The following SSPN variants were observed in gnomAD, a reference collection of about 807,000 sequenced individuals.
The protein encoded by SSPN is sarcospan, also known as K-ras oncogene-associated protein.
Under a neutral mutation model 19.1 loss-of-function variants are expected in SSPN, and 15 were observed. The observed-to-expected ratio is 0.78, with a 90% CI of 0.52 to 1.21. The LOEUF (loss-of-function observed/expected upper bound fraction) is 1.21, where lower values mean the gene tolerates loss of function less well. Among genes scored for constraint, SSPN ranks in the 50% most tolerant of loss-of-function variants. The pLI, the probability that SSPN is intolerant of heterozygous loss-of-function variation, is 0.00. For synonymous variants in SSPN, 147 were observed against 140.3 expected (o/e 1.05, Z -0.34); for missense variants, 291 against 314.0 (o/e 0.93, Z 0.55).
At position 26,234,696 on chromosome 12, in the gene SSPN, C is replaced by T. The variant is rs745723565; in HGVS notation, c.*3620C>T. The T allele has an allele frequency of 2.6e-5, 4 of 152,126 alleles. No individual in the cohort carries two copies. Among genetic ancestry groups the T allele is most frequent in the Non-Finnish European group, 5.9e-5 (4 of 68,010 alleles). 9.4% of individuals were successfully genotyped at this position (152,126 alleles called of 1,614,324 possible). A position where few individuals can be genotyped will look rare whatever the true frequency, so the allele number is the denominator to read the frequency against. ...GCAAATACAAAATAAAGCATTTCTA[C>T]ATGTTTGAGGTGGTTGTTTTTAAAG... On this transcript the variant is annotated 3_prime_UTR_variant, in exon 3 of 3. Transcript: ENST00000242729.
At chr12:26,159,881 T>G (rs1193703783) in intron 1 of SSPN, among the ~76,000 whole-genome samples, 1 of 152,168 alleles carries the variant, frequency 6.6e-6, no homozygotes, top group Admixed American at 6.5e-5. Context: ...TATCCATTCA[T>G]TGAATGGGTA....
At chr12:26,188,236 T>G (rs765654071) in intron 1 of SSPN, among the ~76,000 whole-genome samples, 2 of 152,152 alleles carry the variant, frequency 1.3e-5, no homozygotes, top group East Asian at 3.8e-4. Flanking sequence ...GCATCTGTAC[T>G]CATAACCACA....
At position 26,214,811 on chromosome 12, in the gene SSPN, A is replaced by G. The variant is rs183255286; in HGVS notation, c.280-9482A>G. On this transcript the variant is annotated intron_variant, in intron 1 of 2. Coordinates refer to ENST00000242729, the MANE Select transcript of SSPN (RefSeq NM_005086.5). ...ATAATGAAAAAGAATTAATAATAAT[A>G]ATAACAAATATAGGAAGGGGATATC... 60 of 152,308 alleles carry G rather than the reference A, an allele frequency of 3.9e-4. No individual in the cohort carries two copies. In the East Asian group the frequency reaches 9.6e-3, roughly 24 times the overall value. The allele number at this position is 152,308 out of a possible 1,614,324, so 9.4% of individuals were successfully genotyped here. A position where few individuals can be genotyped will look rare whatever the true frequency, so the allele number is the denominator to read the frequency against.
intron 1 of SSPN, among the ~76,000 whole-genome samples, chr12:26,129,272 G>T (rs1472843562): frequency 6.6e-6 from 1 of 152,176 alleles, no homozygotes; most frequent in Non-Finnish European, 1.5e-5. Context: ...ATCTGCAGAC[G>T]TTTTACATCA....
intron 2 of SSPN, among the ~76,000 whole-genome samples, chr12:26,227,474 C>A (rs1184424504): frequency 1.3e-5 from 2 of 152,096 alleles, no homozygotes; most frequent in Non-Finnish European, 2.9e-5. Context: ...CTAGCATAAA[C>A]GGTTTAATTA....
intron 1 of SSPN, 146 bp downstream of exon 1, chr12:26,196,097 G>A (rs1591873781): frequency 5.6e-6 from 4 of 711,016 alleles, no homozygotes. Flanking sequence ...TGATGCGTGG[G>A]GCACTGGGTT....
chr12:26,229,187 T>G (rs1945206153), intron 2 of SSPN, among the ~76,000 whole-genome samples: 1 of 152,236 alleles, frequency 6.6e-6, no homozygotes, highest in Non-Finnish European at 1.5e-5. Flanking sequence ...TTAAGATCTC[T>G]TTGATGAAAA....
intron 1 of SSPN, among the ~76,000 whole-genome samples, chr12:26,137,513 A>T (rs1395417364): frequency 6.6e-6 from 1 of 151,564 alleles, no homozygotes; most frequent in East Asian, 1.9e-4. Flanking sequence ...TTATAGAATG[A>T]GGATCTTATA....
chr12:26,194,521 G>T (rs1159921254), upstream of SSPN, among the ~76,000 whole-genome samples: 1 of 152,214 alleles, frequency 6.6e-6, no homozygotes, highest in African/African-American at 2.4e-5. Flanking sequence ...GAGTAGCTGA[G>T]ACTACAGGTG....
At chr12:26,145,599 C>G (rs185977961) in intron 1 of SSPN, among the ~76,000 whole-genome samples, 1 of 152,320 alleles carries the variant, frequency 6.6e-6, no homozygotes, top group African/African-American at 2.4e-5. Flanking sequence ...TGGACATCCT[C>G]AAGGTGCCTC....
At chr12:26,221,298 G>A (rs919342850) in intron 1 of SSPN, among the ~76,000 whole-genome samples, 1 of 152,172 alleles carries the variant, frequency 6.6e-6, no homozygotes, top group African/African-American at 2.4e-5. Context: ...TTTCATCAGG[G>A]TAGTCATTCC....
intron 1 of SSPN, chr12:26,179,859 C>T (rs1462752721): frequency 3.4e-5 from 5 of 149,140 alleles, no homozygotes; most frequent in Non-Finnish European, 7.4e-5. Flanking sequence ...TCTGATGATG[C>T]ACATCACTTG....
At chr12:26,223,505 C>T (rs926099875) in intron 1 of SSPN, among the ~76,000 whole-genome samples, 5 of 152,050 alleles carry the variant, frequency 3.3e-5, no homozygotes, top group Non-Finnish European at 5.9e-5. Context: ...GCACCGCACC[C>T]GCTTATATGT....
At chr12:26,131,128 A>G (rs948384547) in intron 1 of SSPN, among the ~76,000 whole-genome samples, 5 of 152,154 alleles carry the variant, frequency 3.3e-5, no homozygotes, top group Admixed American at 2.6e-4. Context: ...CTTCCCCTCT[A>G]TTATGCCATA....
intron 1 of SSPN, among the ~76,000 whole-genome samples, chr12:26,189,997 C>T (rs1437000915): frequency 6.6e-6 from 1 of 152,058 alleles, no homozygotes; most frequent in Non-Finnish European, 1.5e-5. Flanking sequence ...AGCCATGGAA[C>T]ATGTAGTACA....
intron 2 of SSPN, among the ~76,000 whole-genome samples, chr12:26,228,679 A>G (rs1323946465): frequency 6.6e-6 from 1 of 152,038 alleles, no homozygotes; most frequent in Admixed American, 6.5e-5. Flanking sequence ...CACACAGAAC[A>G]TGGTCAAGAC....
chr12:26,224,150 G>T, intron 1 of SSPN, 143 bp from the exon 2 acceptor site: 2 of 618,258 alleles, frequency 3.2e-6, no homozygotes, highest in South Asian at 2.2e-5. Context: ...CCAGTTGAAA[G>T]AAAAACACAG....
rs1555176234 is a variant in SSPN, at chr12:26,147,279, T to TTG, written c.-31+25128_-31+25129insGT. ...GATAATTTTTGGGGTTTTTTTTGTGTTTTTTTTTTTTGAGACAGAGTCTTG... is the reference window on the plus strand; with the variant it reads ...GATAATTTTTGGGGTTTTTTTTGTGTTGTTTTTTTTTTTGAGACAGAGTCTTG... On this transcript the variant is annotated intron_variant, in intron 1 of 2. Transcript: ENST00000538142. 5.5e-4 allele frequency among the ~76,000 whole-genome samples: 7 copies of TTG among 12,704 alleles called. No individual in the cohort carries two copies. In the Admixed American group the frequency reaches 0.012, roughly 21 times the overall value. 8.3% of individuals were successfully genotyped at this position (12,704 alleles called of 152,430 possible).
At chr12:26,137,636 G>GTGTGTATATATATATATATATATA (rs1555175653) in intron 1 of SSPN, among the ~76,000 whole-genome samples, 2 of 31,352 alleles carry the variant, frequency 6.4e-5, no homozygotes, top group African/African-American at 2.5e-4. Flanking sequence ...GTGTGTGTAT[G>GTGTGTATATATATATATATATATA]TATATATATA....
Sources: gnomAD v4.1 joint callset for allele counts (sites outside exome capture counted in the v4.1 genomes callset) on GRCh38, gnomAD v4.1.1 for gene constraint, MANE v1.5 for transcripts, NCBI Gene and HGNC (gene_info 2026-07-23, HGNC 2026-07-21) for gene names.